Variants in RCAN3 observed in about 807,000 individuals in gnomAD.
RCAN3 encodes the protein regulator of calcineurin 3, also known as calcipressin-3.
RCAN3 carries 19 observed loss-of-function variants against 21.9 expected under a neutral mutation model. That is an observed-to-expected ratio of 0.87 (90% CI 0.61 to 1.27). The LOEUF is 1.27. Among genes scored for constraint, RCAN3 ranks in the 50% most tolerant of loss-of-function variants. The pLI is 0.00. For synonymous variants in RCAN3, 114 were observed against 112.3 expected (o/e 1.01, Z -0.09); for missense variants, 240 against 300.1 (o/e 0.80, Z 1.48).
intron 2 of RCAN3, among the ~76,000 whole-genome samples, chr1:24,517,156 G>GA (rs1166980991): frequency 6.6e-6 from 1 of 151,346 alleles, no homozygotes; most frequent in Non-Finnish European, 1.5e-5. Context: ...TCCCAGGCTG[G>GA]AAGGCTGGAG....
rs1459518977 is a variant in RCAN3, at chr1:24,537,392, A to G, written c.*2115A>G. 2.0e-5 allele frequency: 3 copies of G among 152,146 alleles called. No individual in the cohort carries two copies. Among genetic ancestry groups the G allele is most frequent in the African/African-American group, 7.2e-5 (3 of 41,446 alleles). 9.4% of individuals were successfully genotyped at this position (152,146 alleles called of 1,614,324 possible). A position where few individuals can be genotyped will look rare whatever the true frequency, so the allele number is the denominator to read the frequency against. Reference sequence around the variant, plus strand: ...CATTTTTCTAGTATAATATAATAAAATGAATTTTTTTAAAAAAGCTACTAA... The same window carrying G: ...CATTTTTCTAGTATAATATAATAAAGTGAATTTTTTTAAAAAAGCTACTAA... On this transcript the variant is annotated 3_prime_UTR_variant, in exon 5 of 5. Transcript: ENST00000374395.
At chr1:24,527,389 A>T (rs182864061) in intron 2 of RCAN3, among the ~76,000 whole-genome samples, 2 of 152,378 alleles carry the variant, frequency 1.3e-5, no homozygotes. Context: ...AGCAGCTTGC[A>T]GTCCACTGAA....
rs1650297198 is a variant in RCAN3 at position 24,537,548 on chromosome 1, TTTTTC to T, written c.*2276_*2280del. 1 of 152,152 alleles carries T rather than the reference TTTTTC, an allele frequency of 6.6e-6. No homozygotes were observed. The highest frequency in any genetic ancestry group is 6.5e-5 in the Admixed American group (1 of 15,278). 9.4% of individuals were successfully genotyped at this position (152,152 alleles called of 1,614,324 possible). On this transcript the variant is annotated 3_prime_UTR_variant, in exon 5 of 5. Transcript: ENST00000374395. ...ACAAGAGATAAGTCTCATGGTTTTTTTTTTCTTTTAATAGGCTTTTCTGCAATTTT... is the reference window on the plus strand; with the variant it reads ...ACAAGAGATAAGTCTCATGGTTTTTTTTTTAATAGGCTTTTCTGCAATTTT...
Position 24,530,356 on chromosome 1 carries a change from C to CAAAAAAAAAAAAA in RCAN3, c.196-851_196-839dup, listed in dbSNP as rs56914359. 3.4e-3 allele frequency among the ~76,000 whole-genome samples: 281 copies of CAAAAAAAAAAAAA among 81,478 alleles called. 9 individuals are homozygous for CAAAAAAAAAAAAA. The highest frequency in any genetic ancestry group is 0.013 in the Middle Eastern group (2 of 156). The allele number at this position is 81,478 out of a possible 152,430, so 53.5% of individuals were successfully genotyped here. A position where few individuals can be genotyped will look rare whatever the true frequency, so the allele number is the denominator to read the frequency against. ...GGCAACAGAGTGAGACTCTTATCTC[C>CAAAAAAAAAAAAA]AAAAAAAAAAAAAAAAAAAAAAAGA... is the stretch of plus-strand genomic sequence containing the variant. On this transcript the variant is annotated intron_variant, in intron 2 of 4. Transcript: ENST00000374395.
At position 24,539,067 on chromosome 1, in the gene RCAN3, C is replaced by T. The variant is rs1650379289; in HGVS notation, c.*3790C>T. ...ACCTTGGAAATCATATACTCTATCC[C>T]CATGTTACACAGATTAGAAAAACTG... On this transcript the variant is annotated 3_prime_UTR_variant, in exon 5 of 5. Coordinates refer to ENST00000374395, the MANE Select transcript of RCAN3 (RefSeq NM_013441.4). 1 of 152,164 alleles carries T rather than the reference C, an allele frequency of 6.6e-6. No homozygotes were observed. Among genetic ancestry groups the T allele is most frequent in the Non-Finnish European group, 1.5e-5 (1 of 68,030 alleles). The allele number at this position is 152,164 out of a possible 1,614,324, so 9.4% of individuals were successfully genotyped here.
At chr1:24,510,353 T>C (rs898393969) in intron 1 of RCAN3, among the ~76,000 whole-genome samples, 3 of 152,254 alleles carry the variant, frequency 2.0e-5, no homozygotes, top group Non-Finnish European at 4.4e-5. Context: ...TTAGTCTATA[T>C]TGAAAATCTG....
At chr1:24,522,364 G>C (rs576161339) in intron 2 of RCAN3, among the ~76,000 whole-genome samples, 1 of 152,312 alleles carries the variant, frequency 6.6e-6, no homozygotes, top group Non-Finnish European at 1.5e-5. Context: ...AGGATGCTCA[G>C]CCTTATTGAT....
At chr1:24,512,348 C>CAAA (rs11433134) in intron 1 of RCAN3, among the ~76,000 whole-genome samples, 1 of 141,510 alleles carries the variant, frequency 7.1e-6, no homozygotes, top group Non-Finnish European at 1.5e-5. Flanking sequence ...AATTCTGTCT[C>CAAA]AAAAAAAAAA....
chr1:24,534,146 G>A (rs1158119448), intron 4 of RCAN3, among the ~76,000 whole-genome samples: 1 of 152,180 alleles, frequency 6.6e-6, no homozygotes, highest in Non-Finnish European at 1.5e-5. Context: ...ACAGAGTTAT[G>A]TCTCTTGTAG....
intron 2 of RCAN3, among the ~76,000 whole-genome samples, chr1:24,519,805 C>T (rs760404591): frequency 6.6e-6 from 1 of 152,090 alleles, no homozygotes; most frequent in African/African-American, 2.4e-5. Flanking sequence ...ATGCTATGAT[C>T]GAGAAACAGA....
chr1:24,520,820 C>A (rs1278619234), intron 2 of RCAN3, among the ~76,000 whole-genome samples: 1 of 151,634 alleles, frequency 6.6e-6, no homozygotes, highest in Non-Finnish European at 1.5e-5. Flanking sequence ...TACCCTAAAA[C>A]TTAAAGTATA....
At chr1:24,534,432 G>A (rs551086716) in intron 4 of RCAN3, among the ~76,000 whole-genome samples, 6 of 152,090 alleles carry the variant, frequency 3.9e-5, no homozygotes, top group East Asian at 3.9e-4. Context: ...ATAAAACCCC[G>A]TCTCTACTAA....
At chr1:24,528,302 T>C (rs970892872) in intron 2 of RCAN3, among the ~76,000 whole-genome samples, 2 of 149,202 alleles carry the variant, frequency 1.3e-5, no homozygotes, top group African/African-American at 4.9e-5. Context: ...ACAGAAAATC[T>C]GAGACAAACA....
intron 2 of RCAN3, among the ~76,000 whole-genome samples, chr1:24,518,569 G>A (rs1648530138): frequency 6.7e-6 from 1 of 150,290 alleles, no homozygotes; most frequent in Admixed American, 6.6e-5. Flanking sequence ...CTTGTTTGCT[G>A]TCTTTAACCC....
intron 2 of RCAN3, among the ~76,000 whole-genome samples, chr1:24,530,638 T>A (rs1351581787): frequency 1.3e-5 from 2 of 152,180 alleles, no homozygotes; most frequent in Non-Finnish European, 2.9e-5. Flanking sequence ...TTGGGCATGT[T>A]TGTATCATTC....
At chr1:24,508,109 C>T (rs1647586183) in intron 1 of RCAN3, among the ~76,000 whole-genome samples, 1 of 151,420 alleles carries the variant, frequency 6.6e-6, no homozygotes. Flanking sequence ...AGTGAAACTC[C>T]GTCTCAAAAA....
intron 2 of RCAN3, among the ~76,000 whole-genome samples, chr1:24,530,577 A>G (rs2148910746): frequency 6.6e-6 from 1 of 152,334 alleles, no homozygotes; most frequent in African/African-American, 2.4e-5. Flanking sequence ...ACAGAGGGAA[A>G]AACCAACCTT....
rs199846009 is a variant in RCAN3 at position 24,535,207 on chromosome 1, C to T, written c.656C>T (p.Ala219Val). The change falls in exon 5 of 5, where the codon GCC (alanine) becomes GTC (valine). Residue 219 changes from alanine (A) to valine (V), a missense_variant. By Grantham distance (64) the Ala-to-Val change is moderately conservative. Transcript: ENST00000374395. ...ACAAAAAACCCCAAACAGAAAATTG[C>T]CCAGACGAGGCGCCCCGACCCTCCG... ...EETKNPKQKI[A>V]QTRRPDPPTA... is the part of the protein sequence containing the mutation. 6.5e-5 allele frequency: 103 copies of T among 1,592,642 alleles called. No homozygotes were observed. The African/African-American group carries it at 1.2e-3, about 19-fold the overall frequency.
At chr1:24,517,838 C>A (rs196406) in intron 2 of RCAN3, among the ~76,000 whole-genome samples, 1 of 151,684 alleles carries the variant, frequency 6.6e-6, no homozygotes. Flanking sequence ...ATTAAAGAAA[C>A]ATTTTTTAAG....
Sources: allele counts gnomAD v4.1 joint callset (sites outside exome capture counted in the v4.1 genomes callset), GRCh38; gene constraint gnomAD v4.1.1; transcripts MANE v1.5; gene names NCBI Gene and HGNC (gene_info 2026-07-23, HGNC 2026-07-21).